The following PLXDC2 variants were observed in gnomAD, a reference collection of about 807,000 sequenced individuals.
PLXDC2 encodes plexin domain-containing protein 2.
Under a neutral mutation model 68.9 loss-of-function variants are expected in PLXDC2, and 40 were observed. That is an observed-to-expected ratio of 0.58 (90% CI 0.45 to 0.76). PLXDC2 has a LOEUF of 0.76. PLXDC2 is among the 30% of genes least tolerant of loss of function. PLXDC2 has a pLI of 0.00. For synonymous variants in PLXDC2, 243 were observed against 234.2 expected (o/e 1.04, Z -0.34); for missense variants, 644 against 661.9 (o/e 0.97, Z 0.30).
chr10:20,123,924 T>C (rs1210887742), intron 4 of PLXDC2, among the ~76,000 whole-genome samples: 1 of 151,526 alleles, frequency 6.6e-6, no homozygotes, highest in Non-Finnish European at 1.5e-5. Flanking sequence ...CACAGAGATA[T>C]AAGGGGTTGG....
chr10:20,030,229 A>G lies in PLXDC2; in HGVS notation c.325-16640A>G, dbSNP rs947606224. On this transcript the variant is annotated intron_variant, in intron 2 of 13. Coordinates refer to ENST00000377252, the MANE Select transcript of PLXDC2 (RefSeq NM_032812.9). ...AAACAAACAAGAAACAACAACAACAACAAAAAACTGGATGGCATTGTATTA... is the reference window on the plus strand; with the variant it reads ...AAACAAACAAGAAACAACAACAACAGCAAAAAACTGGATGGCATTGTATTA... Among the ~76,000 whole-genome samples the G allele has an allele frequency of 2.0e-5, 3 of 152,278 alleles. No individual in the cohort carries two copies. The East Asian group carries it at 5.8e-4, about 29-fold the overall frequency.
intron 3 of PLXDC2, among the ~76,000 whole-genome samples, chr10:20,055,517 G>C (rs1835982249): frequency 6.6e-6 from 1 of 152,070 alleles, no homozygotes; most frequent in East Asian, 1.9e-4. Flanking sequence ...TATCTAGACT[G>C]CACATTTTTG....
chr10:20,140,177 G>A (rs2131786903), intron 4 of PLXDC2, among the ~76,000 whole-genome samples: 1 of 152,114 alleles, frequency 6.6e-6, no homozygotes, highest in East Asian at 1.9e-4. Context: ...GAGGGCGCCT[G>A]TAGTCTCAGC....
intron 1 of PLXDC2, among the ~76,000 whole-genome samples, chr10:19,954,290 T>C (rs1229066638): frequency 2.6e-5 from 4 of 152,220 alleles, no homozygotes; most frequent in Non-Finnish European, 5.9e-5. Flanking sequence ...TATTAATCTT[T>C]TATTATCCTT....
At chr10:20,052,738 A>AAAAAAAAAAAAG (rs1835926718) in intron 3 of PLXDC2, among the ~76,000 whole-genome samples, 1 of 141,530 alleles carries the variant, frequency 7.1e-6, no homozygotes, top group Non-Finnish European at 1.5e-5. Flanking sequence ...AAAAAAAAAA[A>AAAAAAAAAAAAG]AAAGAAAGAA....
At chr10:19,962,355 TGAGATGGAGTCTCATGCACCCATCTTTAC>T (rs375256623) in intron 1 of PLXDC2, among the ~76,000 whole-genome samples, 3 of 111,294 alleles carry the variant, frequency 2.7e-5, no homozygotes, top group Non-Finnish European at 3.9e-5. Flanking sequence ...TTTTTTTTTT[TGAGATGGAGTCTCATGCACCCATCTTTAC>T]TTTTTTTTTT....
intron 1 of PLXDC2, among the ~76,000 whole-genome samples, chr10:19,891,187 C>G (rs899887082): frequency 2.0e-5 from 3 of 152,104 alleles, no homozygotes; most frequent in African/African-American, 7.2e-5. Flanking sequence ...GCTGCATTGT[C>G]CTTAAAAACA....
chr10:19,826,318 C>T (rs1013350300), intron 1 of PLXDC2, among the ~76,000 whole-genome samples: 4 of 152,120 alleles, frequency 2.6e-5, no homozygotes, highest in Non-Finnish European at 5.9e-5. Flanking sequence ...TGGGAATATA[C>T]ACCTTTGAAT....
chr10:20,123,832 G>T (rs1210666130), intron 4 of PLXDC2, among the ~76,000 whole-genome samples: 1 of 151,976 alleles, frequency 6.6e-6, no homozygotes, highest in Non-Finnish European at 1.5e-5. Flanking sequence ...AGGGTGCAGA[G>T]ATATAAGAGG....
intron 9 of PLXDC2, among the ~76,000 whole-genome samples, chr10:20,200,789 T>C (rs1204793287): frequency 2.0e-5 from 3 of 152,066 alleles, no homozygotes; most frequent in African/African-American, 7.2e-5. Context: ...TCAACATCAT[T>C]AATCATCAAG....
intron 2 of PLXDC2, among the ~76,000 whole-genome samples, chr10:20,040,995 A>G (rs111305192): frequency 0.018 from 2,695 of 152,328 alleles, 75 homozygotes; most frequent in African/African-American, 0.061. Context: ...CATGGTTGAT[A>G]GTAATAGCAT....
intron 4 of PLXDC2, among the ~76,000 whole-genome samples, chr10:20,080,530 G>C (rs184304166): frequency 2.0e-5 from 3 of 152,098 alleles, no homozygotes; most frequent in Non-Finnish European, 2.9e-5. Flanking sequence ...TCTGATGTTC[G>C]AGGGCAGGAA....
chr10:19,876,803 G>C (rs2131347306), intron 1 of PLXDC2, among the ~76,000 whole-genome samples: 1 of 152,056 alleles, frequency 6.6e-6, no homozygotes, highest in Admixed American at 6.6e-5. Context: ...AAGCATTTCT[G>C]TTTCTAACAA....
Position 20,094,536 on chromosome 10 carries a change from A to G in PLXDC2, c.541+26297A>G, listed in dbSNP as rs183449789. On this transcript the variant is annotated intron_variant, in intron 4 of 13. Transcript: ENST00000377252. Reference sequence around the variant, plus strand: ...GATAGAGGACTTGAGCTGCCTTACAACTGAGTTTGTTTTTCATTATTTTTT... The same window carrying G: ...GATAGAGGACTTGAGCTGCCTTACAGCTGAGTTTGTTTTTCATTATTTTTT... Among the ~76,000 whole-genome samples the G allele has an allele frequency of 8.3e-5, 11 of 132,670 alleles. No individual in the cohort carries two copies. The East Asian group carries it at 2.7e-3, about 32-fold the overall frequency. 87.0% of individuals were successfully genotyped at this position (132,670 alleles called of 152,430 possible). A position where few individuals can be genotyped will look rare whatever the true frequency, so the allele number is the denominator to read the frequency against.
rs1295878977 is a variant in PLXDC2, at chr10:20,147,862, C to T, written c.743C>T (p.Thr248Ile). Residue 248 changes from threonine to isoleucine, a missense_variant, in exon 6 of 14, where the codon ACC becomes ATC. Physicochemically the swap from Thr to Ile is moderately conservative, Grantham distance 89. Around this residue, in one of 3 missense-constraint regions of PLXDC2, gnomAD observed 113 missense variants for 167.1 expected, o/e 0.68. Coordinates refer to ENST00000377252, the MANE Select transcript of PLXDC2 (RefSeq NM_032812.9). The part of the protein sequence containing the change: ...YNLGSFTFQA[T>I]LLMDGRIIFG... ...CTGGGAAGCTTCACATTCCAGGCAA[C>T]CCTGCTCATGGATGGACGAATCATC... 6.2e-7 allele frequency: 1 copy of T among 1,612,542 alleles called. No individual in the cohort carries two copies. The highest frequency in any genetic ancestry group is 1.3e-5 in the African/African-American group (1 of 74,892).
intron 4 of PLXDC2, among the ~76,000 whole-genome samples, chr10:20,104,835 G>A (rs540360016): frequency 8.5e-5 from 13 of 152,108 alleles, no homozygotes; most frequent in Admixed American, 4.6e-4. Flanking sequence ...AGTGGATCAC[G>A]AAGTCAGGAG....
chr10:19,944,815 G>A (rs552161807), intron 1 of PLXDC2, among the ~76,000 whole-genome samples: 1 of 152,228 alleles, frequency 6.6e-6, no homozygotes, highest in African/African-American at 2.4e-5. Context: ...AGCCAGGTGT[G>A]GTGGTGGGCA....
intron 1 of PLXDC2, among the ~76,000 whole-genome samples, chr10:19,843,973 G>A (rs1214098831): frequency 6.6e-6 from 1 of 152,054 alleles, no homozygotes; most frequent in African/African-American, 2.4e-5. Context: ...GAAGGTGATG[G>A]GTGCCCCAAA....
intron 4 of PLXDC2, among the ~76,000 whole-genome samples, chr10:20,120,227 T>G (rs1397555522): frequency 6.6e-6 from 1 of 152,178 alleles, no homozygotes; most frequent in East Asian, 1.9e-4. Context: ...GACTGGGGCC[T>G]AATAAAAAGA....
Sources: gnomAD v4.1 joint callset for allele counts (sites outside exome capture counted in the v4.1 genomes callset) on GRCh38, gnomAD v4.1.1 for gene constraint, gnomAD v4.1.1 regional missense constraint, MANE v1.5 for transcripts, NCBI Gene and HGNC (gene_info 2026-07-23, HGNC 2026-07-21) for gene names.